The following CENPU variants were observed in gnomAD, a reference collection of about 807,000 sequenced individuals.
The protein encoded by CENPU is centromere protein U, also known as KSHV latent nuclear antigen interacting protein 1.
In CENPU, 46 loss-of-function variants were observed where a neutral mutation model predicts 56.7. That is an observed-to-expected ratio of 0.81 (90% CI 0.64 to 1.04). CENPU has a LOEUF of 1.04. Ranked by LOEUF, CENPU falls within the 50% of genes least tolerant of loss-of-function variation. CENPU has a pLI of 0.00. For synonymous variants in CENPU, 166 were observed against 163.0 expected, an observed-to-expected ratio of 1.02 and a Z score of -0.14; for missense variants, 510 against 490.1, an observed-to-expected ratio of 1.04 and a Z score of -0.38.
At position 184,716,442 on chromosome 4, in the gene CENPU, G is replaced by C. The variant is rs1761097554; in HGVS notation, c.573C>G (p.Ala191=). 1 of 1,614,018 alleles carries C rather than the reference G, an allele frequency of 6.2e-7. No homozygotes were observed. Among genetic ancestry groups the C allele is most frequent in the Non-Finnish European group, 8.5e-7 (1 of 1,180,010 alleles). Residue 191 remains alanine, a synonymous_variant, in exon 6 of 13, where the codon GCC becomes GCG. Coordinates refer to ENST00000281453, the MANE Select transcript of CENPU (RefSeq NM_024629.4). ...AGTTCTCTTTTTCAACAGAGGGCTG[G>C]GCACTAAGGGGTCCTGTCTTTTTAG... is the stretch of plus-strand genomic sequence containing the variant. ...VTSKKTGPLS[A]QPSVEKENLA...
At chr4:184,721,927 C>T (rs1761292449) in intron 4 of CENPU, among the ~76,000 whole-genome samples, 1 of 152,176 alleles carries the variant, frequency 6.6e-6, no homozygotes, top group South Asian at 2.1e-4. Flanking sequence ...ACATTTCATC[C>T]AACAGCGGCA....
intron 8 of CENPU, among the ~76,000 whole-genome samples, chr4:184,703,766 G>A (rs1760625344): frequency 6.6e-6 from 1 of 152,352 alleles, no homozygotes; most frequent in Non-Finnish European, 1.5e-5. Context: ...CAACTCAAGT[G>A]TCCATTGATA....
chr4:184,700,976 A>T, intron 10 of CENPU, 95 bp from the exon 11 acceptor site: 1 of 955,002 alleles, frequency 1.0e-6, no homozygotes. Flanking sequence ...GGAAAACAAG[A>T]CAGACCCAGT....
At chr4:184,711,010 T>C (rs7683799) in intron 7 of CENPU, among the ~76,000 whole-genome samples, 25,908 of 151,830 alleles carry the variant, frequency 0.17, 2,393 homozygotes, top group African/African-American at 0.24. Context: ...TGTACGCCAC[T>C]ATGCCTGGCT....
In CENPU at chr4:184,734,041, G is replaced by GCCGCCGCCC; in HGVS notation, c.13_21dup (p.Gly5_Arg7dup). 2.5e-6 allele frequency: 4 copies of GCCGCCGCCC among 1,577,564 alleles called. No individual in the cohort carries two copies. Among genetic ancestry groups the GCCGCCGCCC allele is most frequent in the Non-Finnish European group, 3.4e-6 (4 of 1,164,364 alleles). On this transcript the variant is annotated inframe_insertion, in exon 1 of 13. Transcript: ENST00000281453. ...CCCTCAGACCTGTGAGGCCGCGGCC[G>GCCGCCGCCC]CCGCCGCCCCCGCGGGGCCATGGTG...
chr4:184,725,134 T>A (rs1761409740), intron 3 of CENPU, 72 bp from the exon 4 acceptor site: 2 of 786,630 alleles, frequency 2.5e-6, no homozygotes, highest in Non-Finnish European at 4.1e-6. Context: ...TTTATTCCCT[T>A]ACAATGGAGT....
chr4:184,716,674 GA>G (rs1561138834), intron 5 of CENPU, 41 bp from the exon 6 acceptor site: 1 of 1,423,432 alleles, frequency 7.0e-7, no homozygotes, highest in South Asian at 1.2e-5. Context: ...GTAGAAAATA[GA>G]AATGCTTATA....
intron 6 of CENPU, among the ~76,000 whole-genome samples, chr4:184,715,731 ATT>A (rs1761068514): frequency 6.6e-6 from 1 of 152,238 alleles, no homozygotes. Flanking sequence ...GCAATTCTTG[ATT>A]AGTAAGAGAT....
intron 8 of CENPU, among the ~76,000 whole-genome samples, chr4:184,706,260 T>C (rs1760724310): frequency 6.6e-6 from 1 of 152,192 alleles, no homozygotes; most frequent in Admixed American, 6.5e-5. Context: ...TCTCAACTAC[T>C]CTGGAGGCTG....
intron 4 of CENPU, among the ~76,000 whole-genome samples, chr4:184,722,867 T>C (rs180856788): frequency 1.3e-5 from 2 of 152,344 alleles, no homozygotes; most frequent in East Asian, 3.9e-4. Context: ...TGCTCAATCA[T>C]TCCTAAGAAT....
intron 8 of CENPU, among the ~76,000 whole-genome samples, 162 bp downstream of exon 8, chr4:184,709,908 CAT>C (rs1264050819): frequency 1.3e-5 from 2 of 150,762 alleles, no homozygotes; most frequent in Non-Finnish European, 3.0e-5. Context: ...CAAATAAAAA[CAT>C]ATGAATTCTT....
intron 4 of CENPU, among the ~76,000 whole-genome samples, chr4:184,724,037 G>T (rs1433530430): frequency 1.3e-5 from 2 of 151,898 alleles, no homozygotes; most frequent in African/African-American, 4.8e-5. Context: ...GGCCGAGGTG[G>T]GCAGATCACG....
In CENPU at chr4:184,734,037, GGCC is replaced by G. The variant is rs757193964; in HGVS notation, c.23_25del (p.Arg8del). Reference sequence around the variant, plus strand: ...TTACCCCTCAGACCTGTGAGGCCGCGGCCGCCGCCGCCCCCGCGGGGCCATGGT... The same window carrying G: ...TTACCCCTCAGACCTGTGAGGCCGCGGCCGCCGCCCCCGCGGGGCCATGGT... On this transcript the variant is annotated inframe_deletion, in exon 1 of 13. Coordinates refer to ENST00000281453, the MANE Select transcript of CENPU (RefSeq NM_024629.4). 2 of 1,580,158 alleles carry G rather than the reference GGCC, an allele frequency of 1.3e-6. No homozygotes were observed. The highest frequency in any genetic ancestry group is 1.7e-6 in the Non-Finnish European group (2 of 1,165,654).
intron 11 of CENPU, chr4:184,699,478 A>C: frequency 1.1e-6 from 1 of 946,390 alleles, no homozygotes; most frequent in South Asian, 1.4e-5. Flanking sequence ...GGAAGCGTTT[A>C]GGAAAGTGCC....
At chr4:184,700,774 A>ACATC in intron 11 of CENPU, 46 bp downstream of exon 11, 1 of 1,504,816 alleles carries the variant, frequency 6.6e-7, no homozygotes, top group Non-Finnish European at 9.3e-7. Flanking sequence ...CACCATCATT[A>ACATC]CATCCTTTTA....
intron 1 of CENPU, 138 bp downstream of exon 1, chr4:184,733,878 G>A (rs988785724): frequency 1.7e-6 from 2 of 1,149,590 alleles, no homozygotes; most frequent in Middle Eastern, 2.1e-4. Context: ...GGAGGAAGCC[G>A]GGGACCCGGG....
intron 8 of CENPU, among the ~76,000 whole-genome samples, chr4:184,705,811 C>T (rs1423513361): frequency 1.3e-5 from 2 of 152,170 alleles, no homozygotes; most frequent in Admixed American, 6.5e-5. Context: ...CAAGCTATCA[C>T]ACAGATGAGC....
intron 4 of CENPU, among the ~76,000 whole-genome samples, chr4:184,719,846 C>G (rs890423841): frequency 9.2e-5 from 14 of 152,236 alleles, no homozygotes; most frequent in Non-Finnish European, 5.9e-5. Flanking sequence ...CATGAGACCC[C>G]CTAATGCAGA....
intron 1 of CENPU, among the ~76,000 whole-genome samples, chr4:184,733,724 C>G (rs1331320229): frequency 6.6e-6 from 1 of 152,234 alleles, no homozygotes; most frequent in African/African-American, 2.4e-5. Flanking sequence ...TTCAAGCTAG[C>G]ACTTTGAGAC....
Sources: allele counts gnomAD v4.1 joint callset (sites outside exome capture counted in the v4.1 genomes callset), GRCh38; gene constraint gnomAD v4.1.1; transcripts MANE v1.5; gene names NCBI Gene and HGNC (gene_info 2026-07-23, HGNC 2026-07-21).